COMMD6: variants seen among roughly 807,000 people sequenced by gnomAD.
COMMD6 encodes the protein COMM domain containing 6.
Under a neutral mutation model 13.4 loss-of-function variants are expected in COMMD6, and 11 were observed. The observed-to-expected ratio is 0.82, with a 90% confidence interval of 0.52 to 1.36. The LOEUF (loss-of-function observed/expected upper bound fraction) is 1.36. Ranked by LOEUF, COMMD6 falls within the 40% of genes most tolerant of loss-of-function variation. The pLI is 0.00. For synonymous variants in COMMD6, 43 were observed against 36.5 expected (o/e 1.18, Z -0.64); for missense variants, 124 against 102.4 (o/e 1.21, Z -0.91).
intron 2 of COMMD6, among the ~76,000 whole-genome samples, chr13:75,530,932 T>C (rs1000536226): frequency 1.3e-5 from 2 of 152,240 alleles, no homozygotes; most frequent in African/African-American, 4.8e-5. Flanking sequence ...CTGTCAATGA[T>C]TGTTAAATGA....
chr13:75,537,067 T>C (rs2030690016), intron 2 of COMMD6, among the ~76,000 whole-genome samples: 1 of 152,198 alleles, frequency 6.6e-6, no homozygotes, highest in South Asian at 2.1e-4. Flanking sequence ...CATCCCTTTC[T>C]TACATTTTGT....
At chr13:75,529,369 A>T (rs1940968157) in intron 3 of COMMD6, among the ~76,000 whole-genome samples, 1 of 151,868 alleles carries the variant, frequency 6.6e-6, no homozygotes, top group African/African-American at 2.4e-5. Context: ...AAATACAAAT[A>T]AATTAGCCAG....
At chr13:75,540,344 CCACACACACA>C (rs59520333), upstream of COMMD6, among the ~76,000 whole-genome samples, 107 of 147,380 alleles carry the variant, frequency 7.3e-4, no homozygotes, top group African/African-American at 2.3e-3. Context: ...ACACACACAC[CCACACACACA>C]CACACACACA....
chr13:75,538,934 C>T (rs1300476315), upstream of COMMD6: 1 of 152,230 alleles, frequency 6.6e-6, no homozygotes, highest in Non-Finnish European at 1.5e-5. Flanking sequence ...AGCCTCAATT[C>T]AGGTTGTTGG....
upstream of COMMD6, among the ~76,000 whole-genome samples, chr13:75,540,665 G>T (rs9543969): frequency 0.24 from 36,205 of 152,068 alleles, 4,609 homozygotes; most frequent in South Asian, 0.46. Flanking sequence ...AAACTTCGCA[G>T]TTGGAAAATA....
At position 75,531,803 on chromosome 13, in the gene COMMD6, A is replaced by T. The variant is rs74560946; in HGVS notation, c.55-1537T>A. ...GCCAATCTATCAAAGAGCTGACTTT[A>T]GCTAGTAAAACTGAAGCTCTGCATA... On this transcript the variant is annotated intron_variant, in intron 2 of 3. Transcript: ENST00000682242. 5.2e-3 allele frequency among the ~76,000 whole-genome samples: 786 copies of T among 152,328 alleles called. 9 individuals are homozygous for T. The highest frequency in any genetic ancestry group is 0.018 in the African/African-American group (757 of 41,582).
chr13:75,541,731 A>G (rs2030826640), upstream of COMMD6, among the ~76,000 whole-genome samples: 1 of 152,128 alleles, frequency 6.6e-6, no homozygotes, highest in African/African-American at 2.4e-5. Flanking sequence ...CAAATATACT[A>G]GGGAAACAAA....
intron 1 of COMMD6, among the ~76,000 whole-genome samples, chr13:75,547,081 T>C (rs1457850665): frequency 6.6e-6 from 1 of 152,188 alleles, no homozygotes; most frequent in Non-Finnish European, 1.5e-5. Flanking sequence ...ACAAACCTTA[T>C]CTAATATGTG....
At chr13:75,548,370 C>T (rs983043195) in intron 1 of COMMD6, among the ~76,000 whole-genome samples, 4 of 152,264 alleles carry the variant, frequency 2.6e-5, no homozygotes, top group Non-Finnish European at 4.4e-5. Flanking sequence ...GCCAGAAGAA[C>T]GTGGGTGGGA....
intron 1 of COMMD6, among the ~76,000 whole-genome samples, chr13:75,548,251 A>C (rs370281847): frequency 1.6e-4 from 24 of 152,368 alleles, no homozygotes; most frequent in East Asian, 1.5e-3. Context: ...CGAGCTGGAC[A>C]CTGCCAGTTT....
In COMMD6 at chr13:75,526,418, T is replaced by G. The variant is rs2030257376; in HGVS notation, c.*171A>C. On this transcript the variant is annotated 3_prime_UTR_variant, in exon 4 of 4. Transcript: ENST00000682242. ...TAAAGCACATTCACAAAGTTTTGCA[T>G]TCATCACCACTACCCAGTTCCTGTT... 1.9e-6 allele frequency: 1 copy of G among 529,576 alleles called. No homozygotes were observed. The highest frequency in any genetic ancestry group is 3.4e-6 in the Non-Finnish European group (1 of 297,334). 32.8% of individuals were successfully genotyped at this position (529,576 alleles called of 1,614,324 possible). A position where few individuals can be genotyped will look rare whatever the true frequency, so the allele number is the denominator to read the frequency against.
upstream of COMMD6, among the ~76,000 whole-genome samples, chr13:75,540,338 A>ACCCACC (rs1555271313): frequency 3.7e-5 from 3 of 81,632 alleles, no homozygotes; most frequent in Non-Finnish European, 7.3e-5. Context: ...ACACACACAC[A>ACCCACC]CACACCCACA....
intron 1 of COMMD6, among the ~76,000 whole-genome samples, chr13:75,544,937 A>C (rs867727528): frequency 6.6e-6 from 1 of 150,904 alleles, no homozygotes; most frequent in Non-Finnish European, 1.5e-5. Context: ...AAAAAAAAAA[A>C]AAAAACAAAA....
chr13:75,538,127 G>GCA (rs1282754627), upstream of COMMD6, among the ~76,000 whole-genome samples: 1 of 152,250 alleles, frequency 6.6e-6, no homozygotes, highest in Non-Finnish European at 1.5e-5. Flanking sequence ...GCGGGGCGGG[G>GCA]CACAGCATCC....
chr13:75,543,190 G>A (rs779495475), upstream of COMMD6, among the ~76,000 whole-genome samples: 40 of 152,344 alleles, frequency 2.6e-4, no homozygotes, highest in Non-Finnish European at 4.6e-4. Context: ...TAGAGAGTGG[G>A]AGGAAGGCGA....
At chr13:75,526,915 C>T (rs2030283668) in intron 3 of COMMD6, among the ~76,000 whole-genome samples, 2 of 152,214 alleles carry the variant, frequency 1.3e-5, no homozygotes, top group South Asian at 4.1e-4. Context: ...ATTAAATACT[C>T]AGCACTGTCC....
At chr13:75,533,525 T>C (rs61645976) in intron 2 of COMMD6, among the ~76,000 whole-genome samples, 1 of 144,528 alleles carries the variant, frequency 6.9e-6, no homozygotes, top group African/African-American at 2.6e-5. Flanking sequence ...GCTGTGAGCA[T>C]GCCACTGCAC....
intron 2 of COMMD6, among the ~76,000 whole-genome samples, chr13:75,533,294 C>T (rs192160056): frequency 1.4e-3 from 209 of 151,872 alleles, no homozygotes; most frequent in African/African-American, 4.8e-3. Context: ...AGGCTGGGCA[C>T]GGTGGCTCAC....
At chr13:75,547,714 T>A (rs986029852) in intron 1 of COMMD6, among the ~76,000 whole-genome samples, 2 of 152,250 alleles carry the variant, frequency 1.3e-5, no homozygotes, top group African/African-American at 4.8e-5. Context: ...AGTTTAACTC[T>A]ACAAATTAGA....
Sources: allele counts gnomAD v4.1 joint callset (sites outside exome capture counted in the v4.1 genomes callset), GRCh38; gene constraint gnomAD v4.1.1; transcripts MANE v1.5; gene names NCBI Gene and HGNC (gene_info 2026-07-23, HGNC 2026-07-21).